The following WDR27 variants were observed in gnomAD, a reference collection of about 807,000 sequenced individuals.
WDR27 encodes WD repeat-containing protein 27.
In WDR27, 100 loss-of-function variants were observed where a neutral mutation model predicts 114.4. That is an observed-to-expected ratio of 0.87 (90% confidence interval 0.74 to 1.03). WDR27 has a LOEUF of 1.03. Among genes scored for constraint, WDR27 ranks in the 50% least tolerant of loss-of-function variants. WDR27 has a pLI of 0.00. For missense variants in WDR27, 1,129 were observed against 1,092.9 expected, an observed-to-expected ratio of 1.03 and a Z score of -0.47; for synonymous variants, 449 against 423.1, an observed-to-expected ratio of 1.06 and a Z score of -0.75.
intron 21 of WDR27, among the ~76,000 whole-genome samples, chr6:169,625,798 C>T (rs537067889): frequency 3.3e-5 from 5 of 152,158 alleles, no homozygotes; most frequent in African/African-American, 9.7e-5. Flanking sequence ...CCGTGCTCCA[C>T]GTTCATGATG....
chr6:169,429,238 T>G, the WDR27 span, among the ~76,000 whole-genome samples: 258 of 152,194 alleles, frequency 1.7e-3, no homozygotes, highest in African/African-American at 6.0e-3. Flanking sequence ...ACTTTTACAC[T>G]TCACAGTCAC....
intron 24 of WDR27, among the ~76,000 whole-genome samples, chr6:169,581,518 G>C (rs1199224320): frequency 2.0e-5 from 3 of 152,234 alleles, no homozygotes; most frequent in Admixed American, 6.5e-5. Context: ...CAGTGTATAT[G>C]GCAGTCTCAT....
chr6:169,549,964 T>C (rs554986963), intron 25 of WDR27, among the ~76,000 whole-genome samples: 106 of 152,226 alleles, frequency 7.0e-4, no homozygotes, highest in African/African-American at 2.4e-3. Context: ...ATGATGCCAT[T>C]ATAGGCCTGT....
At chr6:169,502,206 C>G (rs957206396) in intron 25 of WDR27, among the ~76,000 whole-genome samples, 1 of 152,218 alleles carries the variant, frequency 6.6e-6, no homozygotes, top group African/African-American at 2.4e-5. Context: ...GCACGCCTGA[C>G]GCTCTGGCGG....
At chr6:169,623,375 A>C (rs867178191) in intron 21 of WDR27, among the ~76,000 whole-genome samples, 4 of 152,200 alleles carry the variant, frequency 2.6e-5, no homozygotes, top group Admixed American at 6.5e-5. Flanking sequence ...ATAAAACTCC[A>C]GTCTCCCATA....
chr6:169,549,400 A>G (rs1797827042), intron 25 of WDR27, among the ~76,000 whole-genome samples: 1 of 152,212 alleles, frequency 6.6e-6, no homozygotes, highest in Admixed American at 6.5e-5. Context: ...GTGGAGCAAC[A>G]GGAACTCCCA....
chr6:169,482,859 A>T (rs1788380277), intron 25 of WDR27, among the ~76,000 whole-genome samples: 1 of 152,220 alleles, frequency 6.6e-6, no homozygotes, highest in African/African-American at 2.4e-5. Context: ...CTCAATAAAA[A>T]TAGGAATCAA....
rs759980380 is a variant in WDR27 at position 169,582,849 on chromosome 6, G to A, written c.2510C>T (p.Pro837Leu). Residue 837 changes from proline to leucine, a missense_variant, in exon 24 of 26, where the codon CCA (proline) becomes CTA (leucine). Transcript: ENST00000448612. Reference protein sequence around the residue: ...TDTVTGVAFNPSAPQMESRSV... With the variant: ...TDTVTGVAFNLSAPQMESRSV... ...GCAAGACTGTACCTGGGGCGCTGAT[G>A]GGTTGAAGGCCACTCCAGTGACAGT... 3.1e-6 allele frequency: 5 copies of A among 1,613,824 alleles called. No homozygotes were observed. The highest frequency in any genetic ancestry group is 4.2e-6 in the Non-Finnish European group (5 of 1,179,818).
intron 23 of WDR27, among the ~76,000 whole-genome samples, chr6:169,591,692 G>C (rs2867157): frequency 0.49 from 74,319 of 151,880 alleles, 21,724 homozygotes; most frequent in Non-Finnish European, 0.67. Flanking sequence ...TCTTTGGATG[G>C]TCAGCTAGCC....
At chr6:169,500,571 C>G (rs1311761695) in intron 25 of WDR27, among the ~76,000 whole-genome samples, 2 of 152,174 alleles carry the variant, frequency 1.3e-5, no homozygotes, top group Non-Finnish European at 2.9e-5. Context: ...GCCTGCGGAG[C>G]AGAAGTGGCA....
At chr6:169,603,005 C>A (rs1308598994) in intron 22 of WDR27, among the ~76,000 whole-genome samples, 2 of 151,992 alleles carry the variant, frequency 1.3e-5, no homozygotes, top group Non-Finnish European at 2.9e-5. Flanking sequence ...CCACACCCAG[C>A]TAATTTTTGT....
intron 19 of WDR27, among the ~76,000 whole-genome samples, chr6:169,635,258 G>A (rs1053543441): frequency 3.9e-5 from 6 of 152,088 alleles, no homozygotes; most frequent in Admixed American, 6.5e-5. Context: ...GAAGGGGGGC[G>A]CCTGTAATCC....
At chr6:169,467,196 C>A (rs1785705912) in intron 25 of WDR27, among the ~76,000 whole-genome samples, 1 of 152,220 alleles carries the variant, frequency 6.6e-6, no homozygotes, top group African/African-American at 2.4e-5. Flanking sequence ...GCCTCCCACC[C>A]AGCTGTTTTC....
At chr6:169,616,462 T>A (rs1200722448) in intron 21 of WDR27, among the ~76,000 whole-genome samples, 1 of 152,072 alleles carries the variant, frequency 6.6e-6, no homozygotes, top group Non-Finnish European at 1.5e-5. Context: ...CCCTCCAGCC[T>A]GGCGATAGAG....
chr6:169,647,768 C>T lies in WDR27; in HGVS notation c.1657+5G>A, dbSNP rs56352203. The T allele has an allele frequency of 7.8e-5, 122 of 1,571,122 alleles. No homozygotes were observed. The highest frequency in any genetic ancestry group is 1.0e-4 in the Non-Finnish European group (117 of 1,157,936). ...GCTACCCAGCTCCCGCAGGACGTGG[C>T]GCACCTGAGTACTGGATGCAGCATA... is the stretch of plus-strand genomic sequence containing the variant. On this transcript the variant is annotated splice_donor_5th_base_variant and intron_variant, in intron 16 of 25. Transcript: ENST00000448612.
At chr6:169,668,920 A>C (rs1209913858) in intron 4 of WDR27, 2 of 152,254 alleles carry the variant, frequency 1.3e-5, no homozygotes, top group Non-Finnish European at 2.9e-5. Context: ...TACAACTTAG[A>C]ATACTGAGTA....
chr6:169,642,550 C>T (rs1033654727), intron 17 of WDR27, among the ~76,000 whole-genome samples: 5 of 152,138 alleles, frequency 3.3e-5, no homozygotes, highest in African/African-American at 9.7e-5. Context: ...GCAAGGCGCT[C>T]GAAGGGCAAG....
At chr6:169,643,662 A>G (rs929542113) in intron 17 of WDR27, 35 bp downstream of exon 17, 1 of 1,580,078 alleles carries the variant, frequency 6.3e-7, no homozygotes, top group Non-Finnish European at 8.7e-7. Flanking sequence ...ACCCATCCTT[A>G]AGTTCATACT....
At chr6:169,533,279 A>G (rs1483813743) in intron 25 of WDR27, among the ~76,000 whole-genome samples, 1 of 151,464 alleles carries the variant, frequency 6.6e-6, no homozygotes, top group East Asian at 1.9e-4. Context: ...GGGTTGGAGT[A>G]AATGGCTTTG....
Sources: allele counts gnomAD v4.1 joint callset (sites outside exome capture counted in the v4.1 genomes callset), GRCh38; gene constraint gnomAD v4.1.1; transcripts MANE v1.5; gene names NCBI Gene and HGNC (gene_info 2026-07-23, HGNC 2026-07-21).